The following SGCZ variants were observed in gnomAD, a reference collection of about 807,000 sequenced individuals.
The protein encoded by SGCZ is zeta-sarcoglycan.
In SGCZ, 40 loss-of-function variants were observed where a neutral mutation model predicts 41.3. The observed-to-expected ratio is 0.97, with a 90% CI of 0.75 to 1.26. The LOEUF is 1.26. Ranked by LOEUF, SGCZ falls within the 50% of genes most tolerant of loss-of-function variation. The pLI, the probability that SGCZ is intolerant of heterozygous loss-of-function variation, is 0.00. For synonymous variants in SGCZ, 206 were observed against 137.5 expected (o/e 1.50, Z -3.49); for missense variants, 552 against 369.8 (o/e 1.49, Z -4.04).
intron 1 of SGCZ, among the ~76,000 whole-genome samples, chr8:14,811,429 C>CACAAAA (rs1212837279): frequency 8.8e-5 from 13 of 147,530 alleles, no homozygotes; most frequent in Middle Eastern, 3.4e-3. Flanking sequence ...AATAAAACAG[C>CACAAAA]ACAAAAACAA....
intron 2 of SGCZ, among the ~76,000 whole-genome samples, chr8:14,495,127 C>T (rs538378780): frequency 1.3e-5 from 2 of 152,104 alleles, no homozygotes; most frequent in South Asian, 4.1e-4. Context: ...GGATTCAGTA[C>T]CAAGCGCTTG....
intron 1 of SGCZ, among the ~76,000 whole-genome samples, chr8:14,710,544 T>C (rs931518293): frequency 3.3e-5 from 5 of 152,118 alleles, no homozygotes; most frequent in African/African-American, 9.7e-5. Context: ...ATAAAGTTTT[T>C]CACTGTCTAC....
At chr8:14,442,596 AG>A (rs1800304023) in intron 2 of SGCZ, among the ~76,000 whole-genome samples, 1 of 152,178 alleles carries the variant, frequency 6.6e-6, no homozygotes, top group South Asian at 2.1e-4. Flanking sequence ...TATGTAACAA[AG>A]TTTTGTTCAA....
chr8:14,255,906 A>C (rs1285848742), intron 3 of SGCZ, among the ~76,000 whole-genome samples: 1 of 152,136 alleles, frequency 6.6e-6, no homozygotes, highest in African/African-American at 2.4e-5. Flanking sequence ...GCCCAATTAG[A>C]TACAACCTTC....
In SGCZ at chr8:15,050,431, G is replaced by C. The variant is rs74976930; in HGVS notation, c.39+187154C>G. ...CCTGGAGAGTGTACACTGAAACTGA[G>C]AAGTATTGAGCTTAGGCATAGGATC... On this transcript the variant is annotated intron_variant, in intron 1 of 7. Transcript: ENST00000382080. 2.4e-3 allele frequency among the ~76,000 whole-genome samples: 358 copies of C among 152,268 alleles called. 2 individuals are homozygous for C. The highest frequency in any genetic ancestry group is 8.3e-3 in the African/African-American group (343 of 41,562).
At chr8:14,448,098 CA>C (rs1230564844) in intron 2 of SGCZ, among the ~76,000 whole-genome samples, 6 of 152,052 alleles carry the variant, frequency 3.9e-5, no homozygotes, top group African/African-American at 1.4e-4. Context: ...GAAATAGTAG[CA>C]GTAACAATTA....
At chr8:15,077,343 TACAGC>T (rs1372820947) in intron 1 of SGCZ, among the ~76,000 whole-genome samples, 1 of 152,230 alleles carries the variant, frequency 6.6e-6, no homozygotes, top group East Asian at 1.9e-4. Context: ...TTCATGTATT[TACAGC>T]TGTTATTGCA....
At chr8:15,133,091 C>G (rs1482652825) in intron 1 of SGCZ, among the ~76,000 whole-genome samples, 1 of 152,052 alleles carries the variant, frequency 6.6e-6, no homozygotes, top group Admixed American at 6.6e-5. Context: ...TGCAGTGAGT[C>G]AAGATCATAC....
intron 2 of SGCZ, among the ~76,000 whole-genome samples, chr8:14,522,222 G>GT (rs1162473680): frequency 2.6e-5 from 4 of 151,986 alleles, no homozygotes; most frequent in African/African-American, 4.8e-5. Context: ...TTGGTTTGTA[G>GT]TTTTAGTTTT....
In SGCZ at chr8:14,335,480, T is replaced by G. The variant is rs995864789; in HGVS notation, c.235-11276A>C. ...CTGGTAATCACCCATTTGGAAAATA[T>G]GTAATATTAGCTTCTTTTTAACATC... On this transcript the variant is annotated intron_variant, in intron 2 of 7. Transcript: ENST00000382080. Among the ~76,000 whole-genome samples, 6 of 152,120 alleles carry G rather than the reference T, an allele frequency of 3.9e-5. No individual in the cohort carries two copies. The South Asian group carries it at 1.2e-3, about 31-fold the overall frequency.
intron 1 of SGCZ, among the ~76,000 whole-genome samples, chr8:14,816,550 A>C (rs116453669): frequency 0.013 from 2,042 of 152,294 alleles, 40 homozygotes; most frequent in African/African-American, 0.047. Flanking sequence ...CATAAAAAGC[A>C]TACAATGGAA....
intron 6 of SGCZ, among the ~76,000 whole-genome samples, chr8:14,104,589 G>A (rs887843759): frequency 1.3e-5 from 2 of 151,978 alleles, no homozygotes; most frequent in African/African-American, 4.8e-5. Context: ...AAAAGGAAAG[G>A]AAAGAAAGCA....
intron 2 of SGCZ, among the ~76,000 whole-genome samples, chr8:14,356,143 C>T (rs561951507): frequency 1.3e-4 from 20 of 152,264 alleles, no homozygotes; most frequent in African/African-American, 4.8e-4. Context: ...CAAGATTTTG[C>T]CCAACTGTAG....
At chr8:14,253,806 T>C (rs1358984322) in intron 3 of SGCZ, among the ~76,000 whole-genome samples, 1 of 152,120 alleles carries the variant, frequency 6.6e-6, no homozygotes, top group South Asian at 2.1e-4. Flanking sequence ...CCACATCTAA[T>C]AAACATTAGC....
intron 1 of SGCZ, among the ~76,000 whole-genome samples, chr8:14,728,664 A>G (rs922245640): frequency 6.6e-6 from 1 of 152,202 alleles, no homozygotes; most frequent in African/African-American, 2.4e-5. Context: ...TAGAAAAATC[A>G]TTTATTTATG....
intron 1 of SGCZ, among the ~76,000 whole-genome samples, chr8:14,835,270 C>T (rs754140908): frequency 1.4e-4 from 22 of 152,046 alleles, no homozygotes; most frequent in Non-Finnish European, 2.4e-4. Context: ...CTGTCATTTG[C>T]GAACTAACCT....
At chr8:14,460,744 A>C (rs556332724) in intron 2 of SGCZ, among the ~76,000 whole-genome samples, 72 of 152,216 alleles carry the variant, frequency 4.7e-4, no homozygotes, top group Non-Finnish European at 7.8e-4. Context: ...TTCAAAAGGT[A>C]CAATAGCAAG....
At chr8:14,579,781 T>C (rs1481669168) in intron 1 of SGCZ, among the ~76,000 whole-genome samples, 1 of 152,208 alleles carries the variant, frequency 6.6e-6, no homozygotes, top group East Asian at 1.9e-4. Context: ...ACATGAGTTT[T>C]ACGTTCATAG....
chr8:15,198,751 A>C (rs1800808881), intron 1 of SGCZ, among the ~76,000 whole-genome samples: 1 of 152,196 alleles, frequency 6.6e-6, no homozygotes, highest in African/African-American at 2.4e-5. Context: ...AGCTAAATAC[A>C]CAATATTGAG....
Sources: allele counts gnomAD v4.1 joint callset (sites outside exome capture counted in the v4.1 genomes callset), GRCh38; gene constraint gnomAD v4.1.1; transcripts MANE v1.5; gene names NCBI Gene and HGNC (gene_info 2026-07-23, HGNC 2026-07-21).